The following PTPRN2 variants were observed in gnomAD, a reference collection of about 807,000 sequenced individuals.
PTPRN2 encodes protein tyrosine phosphatase receptor type N2.
In PTPRN2, 74 loss-of-function variants were observed where a neutral mutation model predicts 118.8. That is an observed-to-expected ratio of 0.62 (90% CI 0.52 to 0.76). The LOEUF is 0.76. PTPRN2 is among the 30% of genes least tolerant of loss of function. The pLI is 0.00. For missense variants in PTPRN2, 1,481 were observed against 1,394.4 expected (o/e 1.06, Z -0.99); for synonymous variants, 641 against 608.0 (o/e 1.05, Z -0.80).
At chr7:158,359,720 G>A (rs557168186) in intron 2 of PTPRN2, among the ~76,000 whole-genome samples, 56 of 152,280 alleles carry the variant, frequency 3.7e-4, no homozygotes, top group Middle Eastern at 3.4e-3. Flanking sequence ...TAATGTACAC[G>A]TGGTGTTGTC....
At chr7:158,025,564 G>A (rs1807202085) in intron 11 of PTPRN2, among the ~76,000 whole-genome samples, 1 of 152,206 alleles carries the variant, frequency 6.6e-6, no homozygotes, top group Non-Finnish European at 1.5e-5. Flanking sequence ...ACAAACACGA[G>A]TATCAAATAA....
At position 157,609,763 on chromosome 7, in the gene PTPRN2, C is replaced by T. The variant is rs1417157894; in HGVS notation, c.2345-5688G>A. On this transcript the variant is annotated intron_variant, in intron 15 of 22. Coordinates refer to ENST00000389418, the MANE Select transcript of PTPRN2 (RefSeq NM_002847.5). The surrounding 1 kb of genome is among the most constrained non-coding windows in gnomAD (Gnocchi z 4.9). Reference sequence around the variant, plus strand: ...AGCAAGGCTGAGATGACGGTGGACACGCACCCAACTGCGCAGGTCAGCCAA... The same window carrying T: ...AGCAAGGCTGAGATGACGGTGGACATGCACCCAACTGCGCAGGTCAGCCAA... Among the ~76,000 whole-genome samples the T allele has an allele frequency of 6.6e-6, 1 of 152,222 alleles. No homozygotes were observed. Among genetic ancestry groups the T allele is most frequent in the Admixed American group, 6.5e-5 (1 of 15,288 alleles).
chr7:157,967,519 T>C (rs1023182799), intron 11 of PTPRN2, among the ~76,000 whole-genome samples: 3 of 152,086 alleles, frequency 2.0e-5, no homozygotes, highest in African/African-American at 7.2e-5. Flanking sequence ...TTTCTTCTGT[T>C]TGTTGGACCG....
intron 13 of PTPRN2, among the ~76,000 whole-genome samples, chr7:157,667,552 G>T (rs1387778078): frequency 6.6e-6 from 1 of 152,224 alleles, no homozygotes; most frequent in Non-Finnish European, 1.5e-5. Context: ...AGACCCCCAG[G>T]GCTGTCCGCA....
chr7:158,359,911 G>C (rs1808722930), intron 2 of PTPRN2, among the ~76,000 whole-genome samples: 2 of 152,022 alleles, frequency 1.3e-5, no homozygotes, highest in East Asian at 1.9e-4. Context: ...CCTAACACTG[G>C]AGATGTCAGC....
chr7:157,979,782 G>A (rs889358480), intron 11 of PTPRN2, among the ~76,000 whole-genome samples: 9 of 152,298 alleles, frequency 5.9e-5, no homozygotes, highest in African/African-American at 1.7e-4. Context: ...ACTCGCATCC[G>A]TTGCATAGAA....
Position 157,826,762 on chromosome 7 carries a change from G to T in PTPRN2, c.1788+71911C>A, listed in dbSNP as rs368499140. Among the ~76,000 whole-genome samples, 5 of 152,318 alleles carry T rather than the reference G, an allele frequency of 3.3e-5. No homozygotes were observed. The East Asian group carries it at 7.7e-4, about 24-fold the overall frequency. ...CAAGTGGGAGTCCTGATTGCAGAGG[G>T]TGGGGACCATGGCATCCCAGAGGGT... is the stretch of plus-strand genomic sequence containing the variant. On this transcript the variant is annotated intron_variant, in intron 12 of 22. Coordinates refer to ENST00000389418, the MANE Select transcript of PTPRN2 (RefSeq NM_002847.5).
In PTPRN2 at chr7:158,166,913, C is replaced by T; in HGVS notation, c.910+18G>A. The stretch of plus-strand genomic sequence containing the variant: ...AGGACAGTCAGCAAACAAGAAACAC[C>T]AAGCGGGGCTGGCTCACCATCGCCT... On this transcript the variant is annotated intron_variant, in intron 6 of 22. Coordinates refer to ENST00000389418, the MANE Select transcript of PTPRN2 (RefSeq NM_002847.5). The T allele has an allele frequency of 3.5e-6, 5 of 1,419,962 alleles. No homozygotes were observed. Among genetic ancestry groups the T allele is most frequent in the East Asian group, 2.6e-5 (1 of 38,728 alleles). 88.0% of individuals were successfully genotyped at this position (1,419,962 alleles called of 1,614,324 possible).
At chr7:157,873,463 G>C (rs1811242277) in intron 12 of PTPRN2, among the ~76,000 whole-genome samples, 1 of 152,028 alleles carries the variant, frequency 6.6e-6, no homozygotes, top group Non-Finnish European at 1.5e-5. Context: ...CGCCGTGGGG[G>C]CCGGGAGGAG....
intron 2 of PTPRN2, among the ~76,000 whole-genome samples, chr7:158,459,911 A>T (rs2178529): frequency 1.6e-5 from 1 of 62,054 alleles, no homozygotes; most frequent in Non-Finnish European, 3.4e-5. Context: ...TCATCCAGCT[A>T]CAGGATGGGA....
intron 6 of PTPRN2, among the ~76,000 whole-genome samples, chr7:158,157,703 T>C (rs1168410030): frequency 6.6e-6 from 1 of 152,152 alleles, no homozygotes; most frequent in Non-Finnish European, 1.5e-5. Flanking sequence ...GTCCTCAAGG[T>C]GCAGTGAGAC....
Position 158,140,812 on chromosome 7 carries a change from C to T in PTPRN2, c.911-2297G>A, listed in dbSNP as rs183105401. 1.6e-4 allele frequency among the ~76,000 whole-genome samples: 24 copies of T among 152,364 alleles called. 1 individual carries two copies. The East Asian group carries it at 4.4e-3, about 28-fold the overall frequency. ...GCATCTCGCCGTGTGTATACTCCCC[C>T]TCAACAGCAGCAATAAAGACTCTGC... On this transcript the variant is annotated intron_variant, in intron 6 of 22. Transcript: ENST00000389418.
intron 1 of PTPRN2, among the ~76,000 whole-genome samples, chr7:158,537,827 T>G (rs1227625493): frequency 2.6e-5 from 4 of 152,354 alleles, no homozygotes; most frequent in South Asian, 2.1e-4. Flanking sequence ...TTCAGCCTAT[T>G]TCTTATTTAG....
At chr7:158,062,645 TCGG>T (rs1810433038) in intron 11 of PTPRN2, among the ~76,000 whole-genome samples, 1 of 152,044 alleles carries the variant, frequency 6.6e-6, no homozygotes, top group Non-Finnish European at 1.5e-5. Flanking sequence ...GGGCGTGGGC[TCGG>T]CAGGCCCCAC....
chr7:158,436,526 G>A (rs4102060), intron 2 of PTPRN2, among the ~76,000 whole-genome samples: 2,428 of 93,134 alleles, frequency 0.026, 11 homozygotes, highest in African/African-American at 0.1. Context: ...GGAGTCTCTC[G>A]AGTTCTGTCT....
intron 2 of PTPRN2, among the ~76,000 whole-genome samples, chr7:158,441,747 T>C (rs1306692464): frequency 6.8e-6 from 1 of 147,718 alleles, no homozygotes; most frequent in Non-Finnish European, 1.5e-5. Flanking sequence ...GCAGTGGTGG[T>C]GATAGTGATA....
rs992501313 is a variant in PTPRN2, at chr7:157,981,886, G to A, written c.1724-83149C>T. 2.0e-5 allele frequency among the ~76,000 whole-genome samples: 3 copies of A among 152,388 alleles called. No individual in the cohort carries two copies. The East Asian group carries it at 5.8e-4, about 29-fold the overall frequency. On this transcript the variant is annotated intron_variant, in intron 11 of 22. Coordinates refer to ENST00000389418, the MANE Select transcript of PTPRN2 (RefSeq NM_002847.5). ...TCCAAATGCAGCCCTTACGCCAGGT[G>A]CCACCTGGAGGTTGTTAGAATTTGT... is the stretch of plus-strand genomic sequence containing the variant.
At chr7:157,896,134 G>A (rs1365902942) in intron 12 of PTPRN2, among the ~76,000 whole-genome samples, 2 of 151,180 alleles carry the variant, frequency 1.3e-5, no homozygotes, top group African/African-American at 2.4e-5. Context: ...AGCAGGGAGT[G>A]CCTGGACATC....
At chr7:158,276,777 C>T (rs1024529396) in intron 3 of PTPRN2, among the ~76,000 whole-genome samples, 7 of 152,326 alleles carry the variant, frequency 4.6e-5, no homozygotes, top group East Asian at 1.9e-4. Flanking sequence ...CTGGGAAGGA[C>T]GTCGGCCTGG....
Sources: allele counts gnomAD v4.1 joint callset (sites outside exome capture counted in the v4.1 genomes callset), GRCh38; gene constraint gnomAD v4.1.1; non-coding constraint Gnocchi (gnomAD v3.1); transcripts MANE v1.5; gene names NCBI Gene and HGNC (gene_info 2026-07-23, HGNC 2026-07-21).